The following MED13 variants were observed in gnomAD, a reference collection of about 807,000 sequenced individuals.
MED13 encodes the protein mediator complex subunit 13, also known as mediator of RNA polymerase II transcription subunit 13.
MED13 carries 23 observed loss-of-function variants against 225.2 expected under a neutral mutation model. The ratio of observed to expected loss-of-function variants is 0.10; its 90% CI spans 0.07 to 0.14. MED13 has a LOEUF of 0.14. Ranked by LOEUF, MED13 falls within the 10% of genes least tolerant of loss-of-function variation. The pLI is 1.00. For missense variants in MED13, 2,197 were observed against 2,594.5 expected, an observed-to-expected ratio of 0.85 and a Z score of 3.33; for synonymous variants, 942 against 889.2, an observed-to-expected ratio of 1.06 and a Z score of -1.06.
chr17:61,953,165 G>A (rs775701355), intron 26 of MED13, 52 bp from the exon 27 acceptor site: 56 of 1,540,306 alleles, frequency 3.6e-5, no homozygotes, highest in Non-Finnish European at 1.8e-5. Flanking sequence ...ATATCCTATG[G>A]TCATTCACAG....
At chr17:61,996,793 T>C (rs1040655351) in intron 9 of MED13, among the ~76,000 whole-genome samples, 1 of 152,214 alleles carries the variant, frequency 6.6e-6, no homozygotes, top group African/African-American at 2.4e-5. Context: ...ATTATATTCA[T>C]AGTTGACTGT....
intron 20 of MED13, 40 bp downstream of exon 20, chr17:61,964,966 G>A: frequency 6.4e-7 from 1 of 1,556,016 alleles, no homozygotes. Flanking sequence ...CAGCATCATA[G>A]TTTTTATATT....
chr17:61,987,599 T>C (rs566357996), intron 11 of MED13, among the ~76,000 whole-genome samples: 80 of 152,236 alleles, frequency 5.3e-4, no homozygotes, highest in African/African-American at 1.8e-3. Context: ...AAAAAAGTTA[T>C]AAATAAATGA....
chr17:61,978,376 C>G (rs905012459), intron 16 of MED13, among the ~76,000 whole-genome samples: 1 of 152,064 alleles, frequency 6.6e-6, no homozygotes, highest in African/African-American at 2.4e-5. Context: ...CTTAGCCTCC[C>G]GAGTAGCTGG....
At chr17:61,959,402 A>T (rs1891099331) in intron 23 of MED13, among the ~76,000 whole-genome samples, 1 of 151,762 alleles carries the variant, frequency 6.6e-6, no homozygotes, top group African/African-American at 2.4e-5. Context: ...AAAGGGTGGT[A>T]TTTTTTTTCT....
intron 26 of MED13, among the ~76,000 whole-genome samples, chr17:61,954,090 T>A (rs906120347): frequency 6.6e-5 from 10 of 152,328 alleles, no homozygotes; most frequent in African/African-American, 2.2e-4. Context: ...ACTGTACCCA[T>A]GGGCAACTGA....
At chr17:61,973,208 G>T (rs773467035) in intron 16 of MED13, among the ~76,000 whole-genome samples, 1 of 151,890 alleles carries the variant, frequency 6.6e-6, no homozygotes, top group Non-Finnish European at 1.5e-5. Context: ...TGGCTGTTTT[G>T]GTGCTGTAGG....
intron 3 of MED13, among the ~76,000 whole-genome samples, chr17:62,039,829 C>T (rs967027645): frequency 6.6e-6 from 1 of 152,084 alleles, no homozygotes; most frequent in Non-Finnish European, 1.5e-5. Flanking sequence ...GAACACCTAA[C>T]CTCAGGTGAT....
chr17:61,972,065 T>C (rs913401325), intron 17 of MED13, among the ~76,000 whole-genome samples: 4 of 152,370 alleles, frequency 2.6e-5, no homozygotes, highest in South Asian at 4.1e-4. Context: ...AAGGAAAATA[T>C]AGGCAAATCT....
At chr17:61,983,191 C>CATTTGGGACGTTTTTA in intron 15 of MED13, 77 bp from the exon 16 acceptor site, 1 of 1,180,480 alleles carries the variant, frequency 8.5e-7, no homozygotes, top group Non-Finnish European at 1.1e-6. Flanking sequence ...CAACTAAAAA[C>CATTTGGGACGTTTTTA]GTCCCAAATG....
intron 21 of MED13, among the ~76,000 whole-genome samples, chr17:61,962,437 C>T (rs1474428814): frequency 6.6e-6 from 1 of 152,114 alleles, no homozygotes; most frequent in African/African-American, 2.4e-5. Context: ...TTCTTGCAAC[C>T]TGTCTTGTTT....
intron 8 of MED13, among the ~76,000 whole-genome samples, chr17:62,019,888 C>T (rs996159989): frequency 6.6e-6 from 1 of 151,614 alleles, no homozygotes; most frequent in African/African-American, 2.4e-5. Flanking sequence ...GGACTATAGG[C>T]GCCCACCACC....
In MED13 at chr17:62,056,159, G is replaced by A. The variant is rs532779132; in HGVS notation, c.302-3454C>T. Among the ~76,000 whole-genome samples the A allele has an allele frequency of 1.1e-4, 17 of 152,262 alleles. No individual in the cohort carries two copies. The South Asian group carries it at 2.1e-3, about 19-fold the overall frequency. ...GCTCAATAAAGTCTGAAGGTTTTTG[G>A]TTTTGTTGGGAATCACTTAGAAACA... is the stretch of plus-strand genomic sequence containing the variant. On this transcript the variant is annotated intron_variant, in intron 2 of 29. Coordinates refer to ENST00000397786, the MANE Select transcript of MED13 (RefSeq NM_005121.3).
intron 27 of MED13, among the ~76,000 whole-genome samples, chr17:61,951,942 G>A (rs1232178822): frequency 1.3e-5 from 2 of 152,030 alleles, no homozygotes; most frequent in Non-Finnish European, 2.9e-5. Context: ...CTGTCGCTTA[G>A]GCTGGAATGC....
In MED13 at chr17:61,968,095, T is replaced by C; in HGVS notation, c.4131A>G (p.Glu1377=). Reference sequence around the variant, plus strand: ...TTGCTCCATTTAACAAGGCTTCATTTTCTGGACACAGTACAACATAGGCTA... The same window carrying C: ...TTGCTCCATTTAACAAGGCTTCATTCTCTGGACACAGTACAACATAGGCTA... ...RDIAYVVLCP[E]NEALLNGAKS... The change falls in exon 18 of 30, where the codon GAA becomes GAG. Residue 1377 remains glutamate (E), a synonymous_variant. Coordinates refer to ENST00000397786, the MANE Select transcript of MED13 (RefSeq NM_005121.3). The C allele has an allele frequency of 6.2e-7, 1 of 1,614,078 alleles. No homozygotes were observed. Among genetic ancestry groups the C allele is most frequent in the Non-Finnish European group, 8.5e-7 (1 of 1,179,960 alleles).
intron 2 of MED13, among the ~76,000 whole-genome samples, chr17:62,062,462 CTTA>C (rs1174067061): frequency 8.3e-5 from 12 of 143,884 alleles, no homozygotes; most frequent in African/African-American, 2.4e-4. Flanking sequence ...GCACTTTTCT[CTTA>C]TTATGTTTGA....
chr17:62,002,254 C>T (rs1305913978), intron 9 of MED13, among the ~76,000 whole-genome samples: 1 of 152,106 alleles, frequency 6.6e-6, no homozygotes, highest in Non-Finnish European at 1.5e-5. Context: ...CTTTGGGAGG[C>T]TGAGGTGGGC....
At chr17:61,950,757 T>A in intron 28 of MED13, 68 bp downstream of exon 28, 1 of 1,483,740 alleles carries the variant, frequency 6.7e-7, no homozygotes, top group South Asian at 1.3e-5. Flanking sequence ...AAAAAGCCAC[T>A]TCTATATTTC....
chr17:61,989,991 G>C (rs990860604), intron 11 of MED13, among the ~76,000 whole-genome samples: 1 of 152,162 alleles, frequency 6.6e-6, no homozygotes, highest in African/African-American at 2.4e-5. Context: ...AAGCTACCTA[G>C]ACCATTTGTT....
Sources: allele counts gnomAD v4.1 joint callset (sites outside exome capture counted in the v4.1 genomes callset), GRCh38; gene constraint gnomAD v4.1.1; transcripts MANE v1.5; gene names NCBI Gene and HGNC (gene_info 2026-07-23, HGNC 2026-07-21).